Variants in ARID4B observed in about 807,000 individuals in gnomAD.
The protein encoded by ARID4B is AT-rich interaction domain 4B.
ARID4B carries 26 observed loss-of-function variants against 147.5 expected under a neutral mutation model. The ratio of observed to expected loss-of-function variants is 0.18; its 90% CI spans 0.13 to 0.24. ARID4B has a LOEUF of 0.24. Among genes scored for constraint, ARID4B ranks in the 10% least tolerant of loss-of-function variants. The pLI is 1.00. For synonymous variants in ARID4B, 512 were observed against 507.9 expected, an observed-to-expected ratio of 1.01 and a Z score of -0.11; for missense variants, 1,179 against 1,511.5, an observed-to-expected ratio of 0.78 and a Z score of 3.65.
intron 2 of ARID4B, among the ~76,000 whole-genome samples, chr1:235,317,401 G>A (rs950486466): frequency 2.0e-5 from 3 of 152,284 alleles, no homozygotes; most frequent in East Asian, 1.9e-4. Flanking sequence ...ATGAGCAAGC[G>A]TTAATTAAGG....
At position 235,210,024 on chromosome 1, in the gene ARID4B, T is replaced by C. The variant is rs553024935; in HGVS notation, c.1841+3745A>G. 1.2e-4 allele frequency among the ~76,000 whole-genome samples: 19 copies of C among 152,118 alleles called. No individual in the cohort carries two copies. The South Asian group carries it at 3.7e-3, about 30-fold the overall frequency. On this transcript the variant is annotated intron_variant, in intron 17 of 23. Transcript: ENST00000264183. ...AGGAGGACTGCTTGAGCCCAGGAGT[T>C]TGAAACCAGCTTGGGCAACATAGTG...
chr1:235,219,735 G>T, intron 16 of ARID4B, 58 bp downstream of exon 16: 1 of 1,354,008 alleles, frequency 7.4e-7, no homozygotes. Flanking sequence ...CATACAAAGA[G>T]CAAATGATAA....
At chr1:235,264,793 C>A (rs1191257197) in intron 2 of ARID4B, among the ~76,000 whole-genome samples, 2 of 152,218 alleles carry the variant, frequency 1.3e-5, no homozygotes, top group Non-Finnish European at 2.9e-5. Flanking sequence ...CAAGGTGGCT[C>A]ATGCCTGTAA....
intron 17 of ARID4B, among the ~76,000 whole-genome samples, chr1:235,201,894 GTAAAA>G (rs202134060): frequency 4.0e-5 from 6 of 151,520 alleles, no homozygotes; most frequent in Admixed American, 2.6e-4. Context: ...AAAAAAATAT[GTAAAA>G]TAAAATAAAA....
chr1:235,185,242 T>C (rs1457363094), intron 19 of ARID4B, among the ~76,000 whole-genome samples: 2 of 152,240 alleles, frequency 1.3e-5, no homozygotes, highest in East Asian at 1.9e-4. Context: ...ATAGTATTTA[T>C]AACATATGTA....
In ARID4B at chr1:235,174,348, A is replaced by C. The variant is rs1558166719; in HGVS notation, c.3664+836T>G. Among the ~76,000 whole-genome samples the C allele has an allele frequency of 3.9e-5, 6 of 152,046 alleles. No individual in the cohort carries two copies. The South Asian group carries it at 1.0e-3, about 26-fold the overall frequency. ...GCCACTGCGCCCAGCCATATCAGAA[A>C]TATCTAGTCAGTGTTGGCATTTGCC... On this transcript the variant is annotated intron_variant, in intron 22 of 23. Coordinates refer to ENST00000264183, the MANE Select transcript of ARID4B (RefSeq NM_016374.6).
chr1:235,176,543 T>C lies in ARID4B; in HGVS notation c.3449-1144A>G, dbSNP rs962611184. ...AGCAGCAACTCCTCCCACTGTGAAA[T>C]TTTGGGAATAAAGAAACTCCACCAC... On this transcript the variant is annotated intron_variant, in intron 21 of 23. Coordinates refer to ENST00000264183, the MANE Select transcript of ARID4B (RefSeq NM_016374.6). 5.4e-5 allele frequency among the ~76,000 whole-genome samples: 8 copies of C among 147,172 alleles called. No homozygotes were observed. The Admixed American group carries it at 5.5e-4, about 10-fold the overall frequency.
chr1:235,211,565 G>A (rs975180115), intron 17 of ARID4B, among the ~76,000 whole-genome samples: 8 of 152,082 alleles, frequency 5.3e-5, no homozygotes, highest in African/African-American at 9.7e-5. Flanking sequence ...GTAATTATTC[G>A]TTTTTGCTAA....
intron 2 of ARID4B, among the ~76,000 whole-genome samples, chr1:235,323,899 TTTA>T (rs1210197279): frequency 6.6e-6 from 1 of 151,752 alleles, no homozygotes; most frequent in East Asian, 1.9e-4. Flanking sequence ...TTTATTTTAT[TTTA>T]TTTAGTTTTT....
intron 14 of ARID4B, among the ~76,000 whole-genome samples, chr1:235,221,150 G>A (rs1667442890): frequency 6.6e-6 from 1 of 152,142 alleles, no homozygotes; most frequent in African/African-American, 2.4e-5. Flanking sequence ...TGCCCGCCTC[G>A]GCCTCCCAAA....
At chr1:235,278,770 T>C (rs1671495615) in intron 2 of ARID4B, among the ~76,000 whole-genome samples, 1 of 152,212 alleles carries the variant, frequency 6.6e-6, no homozygotes. Flanking sequence ...TCAATTGTCC[T>C]ACCACTTTTG....
chr1:235,178,266 TA>T (rs1198720825), intron 20 of ARID4B, among the ~76,000 whole-genome samples: 1 of 152,142 alleles, frequency 6.6e-6, no homozygotes, highest in Non-Finnish European at 1.5e-5. Context: ...TAAGATTCAA[TA>T]AAACCAAAAT....
chr1:235,315,674 C>T (rs1029877684), intron 2 of ARID4B, among the ~76,000 whole-genome samples: 2 of 152,162 alleles, frequency 1.3e-5, no homozygotes, highest in Admixed American at 6.5e-5. Flanking sequence ...CGTTCTACCA[C>T]CTTACTATCA....
At chr1:235,180,642 CAG>C (rs1421708289) in intron 20 of ARID4B, 1 of 151,944 alleles carries the variant, frequency 6.6e-6, no homozygotes, top group Non-Finnish European at 1.5e-5. Context: ...TATTTTAAAA[CAG>C]AAATGTTTTA....
chr1:235,168,170 AG>A lies in ARID4B; in HGVS notation c.*354del, dbSNP rs1358257270. 4.4e-6 allele frequency: 1 copy of A among 227,154 alleles called. No homozygotes were observed. The highest frequency in any genetic ancestry group is 8.7e-6 in the Non-Finnish European group (1 of 114,494). The allele number at this position is 227,154 out of a possible 1,614,324, so 14.1% of individuals were successfully genotyped here. ...AATGTTCCAGCTTTAACAAAATACA[AG>A]GGAATACATATACAGTAAGTTATCT... On this transcript the variant is annotated 3_prime_UTR_variant, in exon 24 of 24. Coordinates refer to ENST00000264183, the MANE Select transcript of ARID4B (RefSeq NM_016374.6).
At chr1:235,290,725 G>A (rs909295265) in intron 2 of ARID4B, among the ~76,000 whole-genome samples, 1 of 152,230 alleles carries the variant, frequency 6.6e-6, no homozygotes, top group Admixed American at 6.5e-5. Flanking sequence ...CAGAGACGGG[G>A]AGACAACTTT....
intron 2 of ARID4B, among the ~76,000 whole-genome samples, chr1:235,308,083 ATTTTTT>A (rs368457519): frequency 9.7e-6 from 1 of 102,772 alleles, no homozygotes; most frequent in African/African-American, 3.7e-5. Flanking sequence ...ATTTCTTCTA[ATTTTTT>A]TTTTTTTTTT....
chr1:235,280,954 A>G (rs1671633305), intron 2 of ARID4B, among the ~76,000 whole-genome samples: 1 of 149,890 alleles, frequency 6.7e-6, no homozygotes, highest in Non-Finnish European at 1.5e-5. Context: ...TATAAAAACG[A>G]AAAAAAAAGA....
At chr1:235,200,419 C>T (rs1373556046) in intron 17 of ARID4B, among the ~76,000 whole-genome samples, 1 of 151,998 alleles carries the variant, frequency 6.6e-6, no homozygotes, top group Non-Finnish European at 1.5e-5. Flanking sequence ...AGATCGCATG[C>T]CACGGTACCC....
Sources: allele counts gnomAD v4.1 joint callset (sites outside exome capture counted in the v4.1 genomes callset), GRCh38; gene constraint gnomAD v4.1.1; transcripts MANE v1.5; gene names NCBI Gene and HGNC (gene_info 2026-07-23, HGNC 2026-07-21).